The following ZDHHC13 variants were observed in gnomAD, a reference collection of about 807,000 sequenced individuals.
ZDHHC13 encodes the protein palmitoyltransferase ZDHHC13.
Under a neutral mutation model 86.0 loss-of-function variants are expected in ZDHHC13, and 85 were observed. The ratio of observed to expected loss-of-function variants is 0.99; its 90% CI spans 0.83 to 1.18. ZDHHC13 has a LOEUF of 1.18. Among genes scored for constraint, ZDHHC13 ranks in the 50% most tolerant of loss-of-function variants. The probability of loss-of-function intolerance (pLI) is 0.00; values close to 1 mark genes in which losing one functional copy is unlikely to be tolerated. For missense variants in ZDHHC13, 711 were observed against 730.2 expected, an observed-to-expected ratio of 0.97 and a Z score of 0.30; for synonymous variants, 263 against 246.4, an observed-to-expected ratio of 1.07 and a Z score of -0.63.
chr11:19,131,103 C>A (rs2133373043), intron 1 of ZDHHC13, among the ~76,000 whole-genome samples: 1 of 152,272 alleles, frequency 6.6e-6, no homozygotes, highest in South Asian at 2.1e-4. Flanking sequence ...ACTGCAAGCT[C>A]CGCCTCCCGG....
At chr11:19,141,402 C>G (rs1849316474) in intron 1 of ZDHHC13, among the ~76,000 whole-genome samples, 1 of 152,138 alleles carries the variant, frequency 6.6e-6, no homozygotes, top group Non-Finnish European at 1.5e-5. Flanking sequence ...AGGAGTCCTT[C>G]TCTCAAGTAA....
At chr11:19,155,581 CAAA>C (rs370534138) in intron 8 of ZDHHC13, among the ~76,000 whole-genome samples, 1 of 46,800 alleles carries the variant, frequency 2.1e-5, no homozygotes. Flanking sequence ...AACTTCATCT[CAAA>C]AAAAAAAAAA....
intron 14 of ZDHHC13, chr11:19,169,126 T>A: frequency 1.0e-6 from 1 of 985,378 alleles, no homozygotes; most frequent in East Asian, 1.1e-4. Flanking sequence ...TGTGAGATCA[T>A]GCTGTATTAT....
At position 19,176,113 on chromosome 11, in the gene ZDHHC13, G is replaced by T; in HGVS notation, c.*153G>T. On this transcript the variant is annotated 3_prime_UTR_variant, in exon 17 of 17. Coordinates refer to ENST00000446113, the MANE Select transcript of ZDHHC13 (RefSeq NM_019028.3). ...TAGGTAAAAAAAGTTCTCAATAAAG[G>T]CATTACAATTTTTTAGGTTTAGAAA... 2.8e-6 allele frequency: 2 copies of T among 704,024 alleles called. No individual in the cohort carries two copies. Among genetic ancestry groups the T allele is most frequent in the South Asian group, 4.4e-5 (1 of 22,640 alleles). The allele number at this position is 704,024 out of a possible 1,614,324, so 43.6% of individuals were successfully genotyped here.
chr11:19,166,492 C>A, intron 14 of ZDHHC13, 107 bp downstream of exon 14: 1 of 846,868 alleles, frequency 1.2e-6, no homozygotes, highest in Non-Finnish European at 1.8e-6. Flanking sequence ...ATAAACCATA[C>A]TCCTAATAAA....
intron 13 of ZDHHC13, among the ~76,000 whole-genome samples, chr11:19,165,595 T>A (rs548446720): frequency 1.3e-5 from 2 of 152,298 alleles, no homozygotes; most frequent in East Asian, 3.9e-4. Context: ...GAAGGCAGCG[T>A]GTGCAAGAGA....
chr11:19,161,056 C>T (rs1261935483), intron 10 of ZDHHC13, among the ~76,000 whole-genome samples: 1 of 151,914 alleles, frequency 6.6e-6, no homozygotes, highest in Non-Finnish European at 1.5e-5. Flanking sequence ...TGGCATACTT[C>T]ACCATCAGAA....
intron 1 of ZDHHC13, among the ~76,000 whole-genome samples, chr11:19,139,597 G>A (rs1457661457): frequency 7.3e-5 from 11 of 150,432 alleles, no homozygotes; most frequent in South Asian, 4.3e-4. Context: ...AAAAGAGCCC[G>A]CATCGCCAAG....
intron 13 of ZDHHC13, 97 bp from the exon 14 acceptor site, chr11:19,166,205 G>T: frequency 2.2e-6 from 2 of 920,220 alleles, no homozygotes; most frequent in Non-Finnish European, 3.3e-6. Flanking sequence ...GTTTTACTTT[G>T]GTGAAGACTT....
chr11:19,139,831 A>G (rs1447967324), intron 1 of ZDHHC13, among the ~76,000 whole-genome samples: 1 of 120,454 alleles, frequency 8.3e-6, no homozygotes, highest in Non-Finnish European at 1.7e-5. Context: ...TCCCTATTTA[A>G]TAAATGGTGC....
At position 19,154,036 on chromosome 11, in the gene ZDHHC13, C is replaced by G. The variant is rs114491934; in HGVS notation, c.873+1352C>G. 6.8e-3 allele frequency among the ~76,000 whole-genome samples: 1,041 copies of G among 152,264 alleles called. 9 individuals are homozygous for G. Among genetic ancestry groups the G allele is most frequent in the African/African-American group, 0.024 (983 of 41,564 alleles). On this transcript the variant is annotated intron_variant, in intron 8 of 16. Transcript: ENST00000446113. ...GTCATGTCACTTATCAGCTCACATTCCTATGATGTCTCCTCATTTCTCCCA... is the reference window on the plus strand; with the variant it reads ...GTCATGTCACTTATCAGCTCACATTGCTATGATGTCTCCTCATTTCTCCCA...
chr11:19,131,070 G>A (rs1394204175), intron 1 of ZDHHC13, among the ~76,000 whole-genome samples: 1 of 152,026 alleles, frequency 6.6e-6, no homozygotes, highest in Non-Finnish European at 1.5e-5. Context: ...CCAGGCTGGA[G>A]TGCAGTGGCG....
At chr11:19,144,264 C>T (rs571307053) in intron 2 of ZDHHC13, among the ~76,000 whole-genome samples, 2 of 152,130 alleles carry the variant, frequency 1.3e-5, no homozygotes, top group Admixed American at 6.5e-5. Flanking sequence ...CCCTGTTGCC[C>T]ATAAAACTCT....
rs573944404 is a variant in ZDHHC13, at chr11:19,164,421, T to TG, written c.1296+59dup. ...GAAAGCAAAGTCTTGGTAACGTTGC[T>TG]GATGTAAGCATTTGTCAGATCTTCA... is the stretch of plus-strand genomic sequence containing the variant. On this transcript the variant is annotated intron_variant, in intron 12 of 16. Transcript: ENST00000446113. 1,191 of 1,510,364 alleles carry TG rather than the reference T, an allele frequency of 7.9e-4. 2 individuals are homozygous for TG. Among genetic ancestry groups the TG allele is most frequent in the Middle Eastern group, 5.2e-3 (30 of 5,774 alleles). 93.6% of individuals were successfully genotyped at this position (1,510,364 alleles called of 1,614,324 possible). A position where few individuals can be genotyped will look rare whatever the true frequency, so the allele number is the denominator to read the frequency against.
intron 1 of ZDHHC13, among the ~76,000 whole-genome samples, chr11:19,138,932 C>G (rs1264919144): frequency 5.5e-4 from 83 of 151,300 alleles, no homozygotes; most frequent in African/African-American, 1.9e-3. Context: ...TAAGAGCTAT[C>G]TATGACAAAC....
chr11:19,152,829 A>G, intron 8 of ZDHHC13, 145 bp downstream of exon 8: 1 of 1,325,562 alleles, frequency 7.5e-7, no homozygotes, highest in East Asian at 2.4e-5. Flanking sequence ...GCATCCTATT[A>G]CCCAAAGTTG....
intron 8 of ZDHHC13, 110 bp from the exon 9 acceptor site, chr11:19,155,686 G>A: frequency 8.9e-7 from 1 of 1,121,372 alleles, no homozygotes; most frequent in Non-Finnish European, 1.2e-6. Context: ...TAGCTTTGTT[G>A]TTGTATTAAT....
intron 2 of ZDHHC13, among the ~76,000 whole-genome samples, chr11:19,145,101 T>A (rs1004145645): frequency 6.6e-6 from 1 of 151,150 alleles, no homozygotes; most frequent in African/African-American, 2.4e-5. Flanking sequence ...AAAGCAAGAC[T>A]CCATCTCAAA....
chr11:19,175,738 G>T (rs1457527175), intron 16 of ZDHHC13, 84 bp from the exon 17 acceptor site: 1 of 1,504,700 alleles, frequency 6.6e-7, no homozygotes, highest in African/African-American at 1.4e-5. Context: ...AAAGGACATT[G>T]CATATTATAG....
Sources: allele counts gnomAD v4.1 joint callset (sites outside exome capture counted in the v4.1 genomes callset), GRCh38; gene constraint gnomAD v4.1.1; transcripts MANE v1.5; gene names NCBI Gene and HGNC (gene_info 2026-07-23, HGNC 2026-07-21).